SEPTIN14: variants seen among roughly 807,000 people sequenced by gnomAD.
The protein encoded by SEPTIN14 is septin 14, also known as septin-14.
SEPTIN14 carries 40 observed loss-of-function variants against 53.6 expected under a neutral mutation model. The observed-to-expected ratio is 0.75, with a 90% CI of 0.58 to 0.97. SEPTIN14 has a LOEUF of 0.97. SEPTIN14 is among the 50% of genes least tolerant of loss of function. SEPTIN14 has a pLI of 0.00. For missense variants in SEPTIN14, 471 were observed against 508.2 expected (o/e 0.93, Z 0.70); for synonymous variants, 138 against 166.8 (o/e 0.83, Z 1.33).
At position 55,820,723 on chromosome 7, in the gene SEPTIN14, T is replaced by G. The variant is rs543223040; in HGVS notation, c.721-1500A>C. The stretch of plus-strand genomic sequence containing the variant: ...GGGAGGCCGAGGTGGGCGGATCACC[T>G]GAGGTCAGGAGTTCGAGACCAGCCT... On this transcript the variant is annotated intron_variant, in intron 6 of 9. Transcript: ENST00000388975. 7.2e-5 allele frequency among the ~76,000 whole-genome samples: 11 copies of G among 152,206 alleles called. No individual in the cohort carries two copies. In the South Asian group the frequency reaches 2.3e-3, roughly 32 times the overall value.
chr7:55,810,986 A>G, intron 7 of SEPTIN14: 1 of 430,098 alleles, frequency 2.3e-6, no homozygotes, highest in Non-Finnish European at 4.5e-6. Context: ...TCTTGGATGC[A>G]GGACATCTTT....
chr7:55,842,415 G>A (rs966045693), intron 5 of SEPTIN14, among the ~76,000 whole-genome samples: 1 of 151,920 alleles, frequency 6.6e-6, no homozygotes, highest in Non-Finnish European at 1.5e-5. Flanking sequence ...AGTTCAGCCT[G>A]GGCAACATAG....
intron 7 of SEPTIN14, among the ~76,000 whole-genome samples, chr7:55,818,744 T>TTTA (rs1788838395): frequency 6.6e-6 from 1 of 152,156 alleles, no homozygotes; most frequent in Non-Finnish European, 1.5e-5. Context: ...TAGTAATGAG[T>TTTA]TTATGTAACA....
chr7:55,842,970 A>C lies in SEPTIN14; in HGVS notation c.530T>G (p.Leu177Arg). The change falls in exon 5 of 10, where the codon CTA becomes CGA. Residue 177 changes from leucine to arginine, a missense_variant. Coordinates refer to ENST00000388975, the MANE Select transcript of SEPTIN14 (RefSeq NM_207366.3). ...ACTGTCAAGGTTCTTCATTGTTAAT[A>C]GATCAAGAGACTTCAGGGAATGTCC... ...PTGHSLKSLD[L>R]LTMKNLDSKV... 1 of 1,533,530 alleles carries C rather than the reference A, an allele frequency of 6.5e-7. No individual in the cohort carries two copies. The highest frequency in any genetic ancestry group is 1.4e-5 in the African/African-American group (1 of 71,770). The allele number at this position is 1,533,530 out of a possible 1,614,324, so 95.0% of individuals were successfully genotyped here. A position where few individuals can be genotyped will look rare whatever the true frequency, so the allele number is the denominator to read the frequency against.
intron 7 of SEPTIN14, among the ~76,000 whole-genome samples, chr7:55,809,818 C>CTTTTTTTTTTTT (rs1788670487): frequency 7.0e-6 from 1 of 142,544 alleles, no homozygotes. Context: ...CTTGCCAGCA[C>CTTTTTTTTTTTT]TTGTAATGGC....
chr7:55,850,315 A>T (rs1425312653), intron 2 of SEPTIN14, among the ~76,000 whole-genome samples: 1 of 151,920 alleles, frequency 6.6e-6, no homozygotes, highest in Non-Finnish European at 1.5e-5. Flanking sequence ...TACTAAACAC[A>T]AAAAATTAGC....
rs1274342324 is a variant in SEPTIN14 at position 55,794,067 on chromosome 7, C to T, written c.*1846G>A. The T allele has an allele frequency of 6.6e-6, 1 of 151,784 alleles. No individual in the cohort carries two copies. The highest frequency in any genetic ancestry group is 1.5e-5 in the Non-Finnish European group (1 of 67,952). 9.4% of individuals were successfully genotyped at this position (151,784 alleles called of 1,614,324 possible). A position where few individuals can be genotyped will look rare whatever the true frequency, so the allele number is the denominator to read the frequency against. On this transcript the variant is annotated 3_prime_UTR_variant, in exon 10 of 10. Transcript: ENST00000388975. Reference sequence around the variant, plus strand: ...AAAAATTATGGAAAATAAAAATATGCCTTATAGTATCATATAATATCATGT... The same window carrying T: ...AAAAATTATGGAAAATAAAAATATGTCTTATAGTATCATATAATATCATGT...
intron 2 of SEPTIN14, among the ~76,000 whole-genome samples, chr7:55,852,151 A>G (rs866775416): frequency 1.4e-3 from 210 of 151,834 alleles, no homozygotes; most frequent in African/African-American, 4.7e-3. Flanking sequence ...AAAAAAAAAA[A>G]AAGAAGAAGA....
Position 55,849,098 on chromosome 7 carries a change from A to G in SEPTIN14, c.55-2461T>C, listed in dbSNP as rs185654679. 2.8e-3 allele frequency among the ~76,000 whole-genome samples: 424 copies of G among 151,454 alleles called. 5 individuals are homozygous for G. Among genetic ancestry groups the G allele is most frequent in the Middle Eastern group, 0.01 (3 of 292 alleles). ...CCAGCAGTTTGAGAGGCTGAGGCAG[A>G]AGGATCACTTGAGGTTAGGAGTTCG... On this transcript the variant is annotated intron_variant, in intron 2 of 9. Coordinates refer to ENST00000388975, the MANE Select transcript of SEPTIN14 (RefSeq NM_207366.3).
intron 6 of SEPTIN14, among the ~76,000 whole-genome samples, chr7:55,827,536 A>G (rs1399635237): frequency 6.6e-6 from 1 of 152,200 alleles, no homozygotes; most frequent in Non-Finnish European, 1.5e-5. Context: ...CTCCCTCCCT[A>G]CAGAGACCTG....
intron 2 of SEPTIN14, among the ~76,000 whole-genome samples, chr7:55,847,904 C>T (rs1320240178): frequency 6.6e-6 from 1 of 151,858 alleles, no homozygotes; most frequent in Non-Finnish European, 1.5e-5. Flanking sequence ...TTTTTAAGTA[C>T]TTCTATTTTA....
chr7:55,798,353 T>C (rs1255143496), intron 9 of SEPTIN14: 2 of 278,238 alleles, frequency 7.2e-6, no homozygotes, highest in Admixed American at 9.3e-5. Context: ...CCCCACACAC[T>C]TTGGGGGTGG....
intron 2 of SEPTIN14, among the ~76,000 whole-genome samples, chr7:55,849,465 G>T (rs1035486569): frequency 1.3e-5 from 2 of 151,708 alleles, no homozygotes; most frequent in African/African-American, 4.8e-5. Context: ...ACCCAAAACA[G>T]CCAGGCATGG....
chr7:55,832,803 T>C (rs146793801), intron 6 of SEPTIN14, among the ~76,000 whole-genome samples: 1 of 151,982 alleles, frequency 6.6e-6, no homozygotes, highest in African/African-American at 2.4e-5. Context: ...TGAGATGTGA[T>C]CACGCCACTG....
intron 7 of SEPTIN14, among the ~76,000 whole-genome samples, chr7:55,810,369 C>G (rs1788679635): frequency 6.6e-6 from 1 of 151,906 alleles, no homozygotes; most frequent in Non-Finnish European, 1.5e-5. Flanking sequence ...TGGACATTTG[C>G]CCCTTATCAG....
chr7:55,861,966 G>T lies in SEPTIN14; in HGVS notation c.31C>A (p.Gln11Lys). 1.9e-6 allele frequency: 3 copies of T among 1,583,886 alleles called. No individual in the cohort carries two copies. Among genetic ancestry groups the T allele is most frequent in the Middle Eastern group, 2.2e-4 (1 of 4,610 alleles). The change falls in exon 2 of 10, where the codon CAA (glutamine) becomes AAA (lysine). Residue 11 changes from glutamine (Q) to lysine (K), a missense_variant. Gln to Lys is a moderately conservative substitution (Grantham distance 53). Coordinates refer to ENST00000388975, the MANE Select transcript of SEPTIN14 (RefSeq NM_207366.3). MAERTMAMPT[Q>K]IPADGDTQKE... ...ACTGTATCTCCATCAGCAGGTATTT[G>T]TGTGGGCATAGCCATTGTTCTTTCT...
chr7:55,795,776 A>G lies in SEPTIN14; in HGVS notation c.*137T>C, dbSNP rs1788420752. 7.1e-6 allele frequency: 5 copies of G among 703,250 alleles called. No individual in the cohort carries two copies. Among genetic ancestry groups the G allele is most frequent in the Non-Finnish European group, 9.6e-6 (4 of 417,634 alleles). 43.6% of individuals were successfully genotyped at this position (703,250 alleles called of 1,614,324 possible). A position where few individuals can be genotyped will look rare whatever the true frequency, so the allele number is the denominator to read the frequency against. ...AGCCACCACACCCCGCTAGGAGTTCACACTTTAGTTGGGGAAAATATACAA... is the reference window on the plus strand; with the variant it reads ...AGCCACCACACCCCGCTAGGAGTTCGCACTTTAGTTGGGGAAAATATACAA... On this transcript the variant is annotated 3_prime_UTR_variant, in exon 10 of 10. Transcript: ENST00000388975.
At chr7:55,850,813 G>C (rs1378066731) in intron 2 of SEPTIN14, 1 of 152,044 alleles carries the variant, frequency 6.6e-6, no homozygotes, top group Non-Finnish European at 1.5e-5. Flanking sequence ...GCTCACGCCT[G>C]TAATCGCAGC....
intron 2 of SEPTIN14, among the ~76,000 whole-genome samples, chr7:55,861,146 G>A (rs1789742040): frequency 6.6e-6 from 1 of 152,124 alleles, no homozygotes; most frequent in Non-Finnish European, 1.5e-5. Context: ...AGATAAAATG[G>A]AATGAGCATA....
Sources: gnomAD v4.1 joint callset for allele counts (sites outside exome capture counted in the v4.1 genomes callset) on GRCh38, gnomAD v4.1.1 for gene constraint, MANE v1.5 for transcripts, NCBI Gene and HGNC (gene_info 2026-07-23, HGNC 2026-07-21) for gene names.